Variants in PPP1R36 observed in about 807,000 individuals in gnomAD.
PPP1R36 encodes protein phosphatase 1 regulatory subunit 36.
PPP1R36 carries 47 observed loss-of-function variants against 53.4 expected under a neutral mutation model. The ratio of observed to expected loss-of-function variants is 0.88; its 90% CI spans 0.70 to 1.12. PPP1R36 has a LOEUF of 1.12. Ranked by LOEUF, PPP1R36 falls within the 50% of genes most tolerant of loss-of-function variation. The pLI is 0.00. For synonymous variants in PPP1R36, 153 were observed against 170.5 expected (o/e 0.90, Z 0.80); for missense variants, 456 against 513.9 (o/e 0.89, Z 1.09).
Position 64,586,813 on chromosome 14 carries a change from T to C in PPP1R36, c.669-24T>C, listed in dbSNP as rs377585250. 26 of 1,575,490 alleles carry C rather than the reference T, an allele frequency of 1.7e-5. No individual in the cohort carries two copies. In the African/African-American group the frequency reaches 3.2e-4, roughly 20 times the overall value. Reference sequence around the variant, plus strand: ...AAGATTGAACTTCCCTCTCAACCTATAGTTGTGACTTGTTATATTACAGGG... The same window carrying C: ...AAGATTGAACTTCCCTCTCAACCTACAGTTGTGACTTGTTATATTACAGGG... On this transcript the variant is annotated intron_variant, in intron 8 of 11. Coordinates refer to ENST00000298705, the MANE Select transcript of PPP1R36 (RefSeq NM_172365.3).
rs200156289 is a variant in PPP1R36, at chr14:64,587,279, T to G, written c.797T>G (p.Leu266Arg). 111 of 1,613,582 alleles carry G rather than the reference T, an allele frequency of 6.9e-5. No individual in the cohort carries two copies. In the East Asian group the frequency reaches 2.4e-3, roughly 34 times the overall value. ...LTEIEEEVGRLFRTNMFNIPR... is the reference protein window; with the variant it reads ...LTEIEEEVGRRFRTNMFNIPR... ...GAGATTGAAGAAGAAGTAGGGAGACTCTTTCGTACCAATATGTTCAACATT... is the reference window on the plus strand; with the variant it reads ...GAGATTGAAGAAGAAGTAGGGAGACGCTTTCGTACCAATATGTTCAACATT... The change falls in exon 10 of 12, where the codon CTC (leucine) becomes CGC (arginine). Residue 266 changes from leucine (L) to arginine (R), a missense_variant. Physicochemically the swap from Leu to Arg is moderately radical, Grantham distance 102. Transcript: ENST00000298705.
intron 8 of PPP1R36, among the ~76,000 whole-genome samples, chr14:64,584,674 C>T (rs1054808611): frequency 7.9e-5 from 12 of 152,138 alleles, no homozygotes; most frequent in East Asian, 3.9e-4. Context: ...CTGACAGGCC[C>T]GAGTTTTAGT....
chr14:64,578,205 C>T (rs1304983970), intron 8 of PPP1R36, among the ~76,000 whole-genome samples: 1 of 152,292 alleles, frequency 6.6e-6, no homozygotes, highest in South Asian at 2.1e-4. Flanking sequence ...CCACCTGCCT[C>T]GGCCTCCCAA....
At chr14:64,551,620 T>C (rs2080094277) in intron 2 of PPP1R36, 1 of 456,178 alleles carries the variant, frequency 2.2e-6, no homozygotes, top group African/African-American at 2.0e-5. Flanking sequence ...AACATTAATG[T>C]CCTCATTTTA....
chr14:64,556,750 A>C (rs2080156623), intron 3 of PPP1R36, among the ~76,000 whole-genome samples: 2 of 129,216 alleles, frequency 1.5e-5, no homozygotes, highest in South Asian at 5.4e-4. Context: ...AGTGAGACCC[A>C]ATCTCCAAAA....
chr14:64,555,017 A>T (rs1438151703), intron 3 of PPP1R36, among the ~76,000 whole-genome samples: 6 of 152,184 alleles, frequency 3.9e-5, no homozygotes, highest in Non-Finnish European at 5.9e-5. Context: ...ATACCTACTT[A>T]AAAAAATTAT....
intron 1 of PPP1R36, 174 bp downstream of exon 1, chr14:64,550,240 G>A: frequency 7.2e-7 from 1 of 1,398,262 alleles, no homozygotes. Context: ...AAAAAACTCT[G>A]GTGTATTTGA....
intron 2 of PPP1R36, chr14:64,551,651 A>G (rs2140212024): frequency 2.2e-6 from 1 of 456,326 alleles, no homozygotes; most frequent in African/African-American, 2.0e-5. Flanking sequence ...AACAAGGCTC[A>G]GGGAGATTAA....
At chr14:64,568,482 A>G (rs2080278447) in intron 7 of PPP1R36, 35 bp downstream of exon 7, 2 of 955,636 alleles carry the variant, frequency 2.1e-6, no homozygotes, top group Admixed American at 2.6e-5. Flanking sequence ...TTAGAGTTTT[A>G]TCACTGCCAG....
intron 11 of PPP1R36, among the ~76,000 whole-genome samples, chr14:64,588,766 G>T (rs1031187173): frequency 4.0e-5 from 6 of 151,794 alleles, no homozygotes; most frequent in Non-Finnish European, 7.4e-5. Context: ...CTCCATGTTG[G>T]TCAGGCTGGT....
intron 7 of PPP1R36, 24 bp from the exon 8 acceptor site, chr14:64,574,431 T>A (rs1453369110): frequency 6.3e-7 from 1 of 1,588,174 alleles, no homozygotes. Context: ...ACCCAAATTC[T>A]CTTTTTTTTG....
At chr14:64,587,625 T>C (rs2080446760) in intron 10 of PPP1R36, among the ~76,000 whole-genome samples, 1 of 151,898 alleles carries the variant, frequency 6.6e-6, no homozygotes, top group Non-Finnish European at 1.5e-5. Context: ...CACGCCTGGC[T>C]AATTTTTTGT....
At chr14:64,561,979 G>C in intron 3 of PPP1R36, 1 of 352,304 alleles carries the variant, frequency 2.8e-6, no homozygotes, top group Non-Finnish European at 5.7e-6. Context: ...CTGCATTTAC[G>C]TGATGGATTC....
intron 8 of PPP1R36, among the ~76,000 whole-genome samples, chr14:64,577,048 T>C (rs1194374332): frequency 6.6e-6 from 1 of 152,056 alleles, no homozygotes; most frequent in Non-Finnish European, 1.5e-5. Context: ...TTTCTCAGAG[T>C]TCTACAGGCT....
chr14:64,550,465 G>A (rs1191447392), intron 1 of PPP1R36, among the ~76,000 whole-genome samples: 2 of 152,256 alleles, frequency 1.3e-5, no homozygotes, highest in Non-Finnish European at 1.5e-5. Flanking sequence ...CAGGCTCAGT[G>A]TTGGAGCCCG....
At chr14:64,555,818 T>C (rs1326666541) in intron 3 of PPP1R36, among the ~76,000 whole-genome samples, 1 of 151,136 alleles carries the variant, frequency 6.6e-6, no homozygotes, top group African/African-American at 2.5e-5. Context: ...TATACATGTA[T>C]AGCTTTCCAA....
intron 1 of PPP1R36, chr14:64,550,313 C>G (rs1291748266): frequency 2.3e-6 from 3 of 1,319,684 alleles, no homozygotes; most frequent in Non-Finnish European, 2.9e-6. Flanking sequence ...GAAATCCCAC[C>G]TCACCACCTC....
chr14:64,568,092 AAATT>A (rs756745506), intron 6 of PPP1R36, among the ~76,000 whole-genome samples: 1 of 152,226 alleles, frequency 6.6e-6, no homozygotes, highest in Non-Finnish European at 1.5e-5. Flanking sequence ...TTAAAAATTA[AAATT>A]AATTAGTAAG....
chr14:64,587,519 G>A (rs772839103), intron 10 of PPP1R36, 147 bp downstream of exon 10: 40 of 488,064 alleles, frequency 8.2e-5, no homozygotes, highest in African/African-American at 1.2e-4. Context: ...GGAGTGCAGT[G>A]GCACAAGCTT....
Sources: allele counts gnomAD v4.1 joint callset (sites outside exome capture counted in the v4.1 genomes callset), GRCh38; gene constraint gnomAD v4.1.1; transcripts MANE v1.5; gene names NCBI Gene and HGNC (gene_info 2026-07-23, HGNC 2026-07-21).